Variants in DNAAF9 observed in about 807,000 individuals in gnomAD.
DNAAF9 encodes dynein axonemal assembly factor 9.
In DNAAF9, 90 loss-of-function variants were observed where a neutral mutation model predicts 167.0. The ratio of observed to expected loss-of-function variants is 0.54; its 90% CI spans 0.45 to 0.64. The LOEUF is 0.64. DNAAF9 is among the 30% of genes least tolerant of loss of function. The probability of loss-of-function intolerance (pLI) is 0.00; values close to 1 mark genes in which losing one functional copy is unlikely to be tolerated. For missense variants in DNAAF9, 1,315 were observed against 1,442.2 expected, an observed-to-expected ratio of 0.91 and a Z score of 1.43; for synonymous variants, 491 against 508.8, an observed-to-expected ratio of 0.96 and a Z score of 0.47.
intron 20 of DNAAF9, among the ~76,000 whole-genome samples, chr20:3,310,049 G>A (rs1038379109): frequency 2.6e-5 from 4 of 151,930 alleles, no homozygotes; most frequent in East Asian, 3.9e-4. Context: ...AAAATTAGCC[G>A]GGCATGGTGG....
intron 6 of DNAAF9, among the ~76,000 whole-genome samples, chr20:3,363,992 G>C (rs1029746042): frequency 2.6e-5 from 4 of 152,000 alleles, no homozygotes; most frequent in Non-Finnish European, 5.9e-5. Flanking sequence ...TTTGAGACAG[G>C]GGTCTTGCTA....
intron 21 of DNAAF9, among the ~76,000 whole-genome samples, chr20:3,300,726 TA>T (rs2069171111): frequency 7.0e-6 from 1 of 143,136 alleles, no homozygotes; most frequent in African/African-American, 2.6e-5. Flanking sequence ...ATAATAATAA[TA>T]ATTTTTTGTA....
In DNAAF9 at chr20:3,264,534, C is replaced by T. The variant is rs2068452081; in HGVS notation, c.2787-10G>A. The T allele has an allele frequency of 2.2e-6, 3 of 1,381,996 alleles. No individual in the cohort carries two copies. The highest frequency in any genetic ancestry group is 2.8e-5 in the African/African-American group (2 of 70,286). The allele number at this position is 1,381,996 out of a possible 1,614,324, so 85.6% of individuals were successfully genotyped here. On this transcript the variant is annotated splice_polypyrimidine_tract_variant and intron_variant, in intron 30 of 36. Transcript: ENST00000252032. ...CTCAATGTCTTCATTCCTTTGAAAA[C>T]ACACAGAAAAGACCTAGATTAATTA...
intron 28 of DNAAF9, among the ~76,000 whole-genome samples, chr20:3,280,190 C>T (rs1449035346): frequency 2.0e-5 from 3 of 152,188 alleles, no homozygotes; most frequent in Non-Finnish European, 4.4e-5. Flanking sequence ...ACACCAGAGT[C>T]TCCCAAGAAT....
At chr20:3,359,635 T>C (rs777689345) in intron 6 of DNAAF9, 42 bp from the exon 7 acceptor site, 1 of 1,313,266 alleles carries the variant, frequency 7.6e-7, no homozygotes, top group Non-Finnish European at 1.1e-6. Context: ...TAAGTCAATA[T>C]CATTAGGACA....
Position 3,315,091 on chromosome 20 carries a change from T to A in DNAAF9, c.1620A>T (p.Leu540=). Residue 540 remains leucine (L), a synonymous_variant, in exon 20 of 37, where the codon CTA becomes CTT. Coordinates refer to ENST00000252032, the MANE Select transcript of DNAAF9 (RefSeq NM_001009984.3). This position sits in a 1 kb window ranked among gnomAD's most constrained non-coding sequence, Gnocchi z 4.1. ...RGDESFLGTY[L]TGGEGAYLYS... Reference sequence around the variant, plus strand: ...AAAGATATGCTCCTTCTCCTCCTGTTAGATAAGTGCCCAGGAAAGACTCAT... The same window carrying A: ...AAAGATATGCTCCTTCTCCTCCTGTAAGATAAGTGCCCAGGAAAGACTCAT... 1.9e-6 allele frequency: 3 copies of A among 1,611,148 alleles called. No individual in the cohort carries two copies. Among genetic ancestry groups the A allele is most frequent in the Non-Finnish European group, 2.5e-6 (3 of 1,177,266 alleles).
chr20:3,321,568 TTTTG>T (rs752702641), intron 16 of DNAAF9, among the ~76,000 whole-genome samples: 1 of 152,108 alleles, frequency 6.6e-6, no homozygotes, highest in Non-Finnish European at 1.5e-5. Context: ...GGTTCCCTGT[TTTTG>T]TTTGTTTGTT....
At chr20:3,275,811 C>G (rs989458892) in intron 29 of DNAAF9, among the ~76,000 whole-genome samples, 3 of 152,180 alleles carry the variant, frequency 2.0e-5, no homozygotes, top group Non-Finnish European at 2.9e-5. Context: ...AGCAGACAGC[C>G]TGGCGTATCC....
intron 33 of DNAAF9, 128 bp downstream of exon 33, chr20:3,259,352 G>A (rs1215450438): frequency 2.7e-6 from 2 of 728,568 alleles, no homozygotes; most frequent in Non-Finnish European, 2.5e-6. Flanking sequence ...AAGGCCCAGG[G>A]TGGGGAAGGT....
rs181018152 is a variant in DNAAF9, at chr20:3,389,721, T to A, written c.84-7215A>T. On this transcript the variant is annotated intron_variant, in intron 1 of 36. Transcript: ENST00000252032. ...AAGAATAACAACAAAATGCAATCTA[T>A]GAACTTTAAATTTTTTTTAGAAAAG... Among the ~76,000 whole-genome samples the A allele has an allele frequency of 9.2e-4, 140 of 152,108 alleles. 1 individual carries two copies. The highest frequency in any genetic ancestry group is 3.4e-3 in the African/African-American group (140 of 41,504).
rs2123030696 is a variant in DNAAF9 at position 3,315,633 on chromosome 20, T to C, written c.1590+102A>G. The C allele has an allele frequency of 1.1e-6, 1 of 910,872 alleles. No homozygotes were observed. The highest frequency in any genetic ancestry group is 1.8e-6 in the Non-Finnish European group (1 of 545,704). 56.4% of individuals were successfully genotyped at this position (910,872 alleles called of 1,614,324 possible). A position where few individuals can be genotyped will look rare whatever the true frequency, so the allele number is the denominator to read the frequency against. ...GGAAGTGAAGACAACATAGTGCAAG[T>C]CTTTTAGATTAGTAGTGAGATGAAG... On this transcript the variant is annotated intron_variant, in intron 19 of 36. Coordinates refer to ENST00000252032, the MANE Select transcript of DNAAF9 (RefSeq NM_001009984.3). This position sits in a 1 kb window ranked among gnomAD's most constrained non-coding sequence, Gnocchi z 4.1.
chr20:3,264,182 C>A (rs75292804), intron 31 of DNAAF9, among the ~76,000 whole-genome samples: 1 of 152,206 alleles, frequency 6.6e-6, no homozygotes, highest in East Asian at 1.9e-4. Context: ...CAGGGCACAG[C>A]GGTGCTTGCT....
Position 3,316,690 on chromosome 20 carries a change from T to C in DNAAF9, c.1539+33A>G, listed in dbSNP as rs2069505542. 5 of 1,512,330 alleles carry C rather than the reference T, an allele frequency of 3.3e-6. No individual in the cohort carries two copies. In the East Asian group the frequency reaches 1.1e-4, roughly 34 times the overall value. 93.7% of individuals were successfully genotyped at this position (1,512,330 alleles called of 1,614,324 possible). On this transcript the variant is annotated intron_variant, in intron 18 of 36. Coordinates refer to ENST00000252032, the MANE Select transcript of DNAAF9 (RefSeq NM_001009984.3). ...GTGTTCACCCTGATTTCTCCACACG[T>C]AGGTCCACTTCCACCTGATGAATGA...
chr20:3,253,397 C>T (rs6115831), intron 36 of DNAAF9, among the ~76,000 whole-genome samples: 39,412 of 151,972 alleles, frequency 0.26, 5,361 homozygotes, highest in East Asian at 0.37. Flanking sequence ...GCTGAGATTG[C>T]GCCATTGCAC....
At chr20:3,385,524 C>A (rs959706326) in intron 1 of DNAAF9, among the ~76,000 whole-genome samples, 9 of 152,004 alleles carry the variant, frequency 5.9e-5, no homozygotes, top group African/African-American at 2.2e-4. Context: ...CTCATGGGCT[C>A]AAGCGATCCT....
At chr20:3,330,241 TGTC>T (rs1255515603) in intron 12 of DNAAF9, among the ~76,000 whole-genome samples, 1 of 152,070 alleles carries the variant, frequency 6.6e-6, no homozygotes, top group East Asian at 1.9e-4. Context: ...ATAAACCAGA[TGTC>T]TTCTTCTTCT....
At chr20:3,268,304 G>A (rs2122792710) in intron 30 of DNAAF9, among the ~76,000 whole-genome samples, 1 of 151,256 alleles carries the variant, frequency 6.6e-6, no homozygotes, top group Non-Finnish European at 1.5e-5. Flanking sequence ...CAAAGTGTTG[G>A]GATTACAGGC....
At chr20:3,361,225 T>C (rs964970828) in intron 6 of DNAAF9, among the ~76,000 whole-genome samples, 1 of 152,014 alleles carries the variant, frequency 6.6e-6, no homozygotes, top group Non-Finnish European at 1.5e-5. Context: ...AGAGAAGATA[T>C]GGGGAAAGCT....
At chr20:3,308,737 G>A (rs1395673651) in intron 20 of DNAAF9, among the ~76,000 whole-genome samples, 1 of 151,778 alleles carries the variant, frequency 6.6e-6, no homozygotes, top group Non-Finnish European at 1.5e-5. Context: ...AGCACTTTGG[G>A]AGACTGAGGT....
Sources: gnomAD v4.1 joint callset for allele counts (sites outside exome capture counted in the v4.1 genomes callset) on GRCh38, gnomAD v4.1.1 for gene constraint, Gnocchi (gnomAD v3.1) non-coding constraint, MANE v1.5 for transcripts, NCBI Gene and HGNC (gene_info 2026-07-23, HGNC 2026-07-21) for gene names.